GABRB1: variants seen among roughly 807,000 people sequenced by gnomAD.
GABRB1 encodes the protein gamma-aminobutyric acid receptor subunit beta-1.
Under a neutral mutation model 51.6 loss-of-function variants are expected in GABRB1, and 17 were observed. That is an observed-to-expected ratio of 0.33 (90% CI 0.23 to 0.49). The LOEUF (loss-of-function observed/expected upper bound fraction) is 0.49, where lower values mean the gene tolerates loss of function less well. GABRB1 is among the 20% of genes least tolerant of loss of function. GABRB1 has a pLI of 0.99. For synonymous variants in GABRB1, 247 were observed against 218.9 expected (o/e 1.13, Z -1.14); for missense variants, 410 against 600.6 (o/e 0.68, Z 3.32).
chr4:47,058,496 T>C (rs540886324), intron 3 of GABRB1, among the ~76,000 whole-genome samples: 9 of 152,294 alleles, frequency 5.9e-5, no homozygotes, highest in Admixed American at 1.3e-4. Flanking sequence ...GGTATGTCAC[T>C]AGAGGGACTC....
Position 47,189,396 on chromosome 4 carries a change from G to C in GABRB1, c.461+27927G>C, listed in dbSNP as rs936005957. On this transcript the variant is annotated intron_variant, in intron 4 of 8. Coordinates refer to ENST00000295454, the MANE Select transcript of GABRB1 (RefSeq NM_000812.4). Reference sequence around the variant, plus strand: ...CAAACCTCTTTCTGGGATTGATATGGAGGATAGAATATAAGAATGTAAGAA... The same window carrying C: ...CAAACCTCTTTCTGGGATTGATATGCAGGATAGAATATAAGAATGTAAGAA... Among the ~76,000 whole-genome samples the C allele has an allele frequency of 7.2e-5, 11 of 151,850 alleles. No individual in the cohort carries two copies. In the East Asian group the frequency reaches 2.1e-3, roughly 29 times the overall value.
chr4:47,367,686 A>G (rs1727028056), intron 5 of GABRB1, among the ~76,000 whole-genome samples: 1 of 152,310 alleles, frequency 6.6e-6, no homozygotes, highest in Non-Finnish European at 1.5e-5. Context: ...CTCAATGTTC[A>G]TCTTATCACA....
At chr4:47,208,772 C>A (rs1277840110) in intron 4 of GABRB1, among the ~76,000 whole-genome samples, 2 of 152,030 alleles carry the variant, frequency 1.3e-5, no homozygotes, top group Admixed American at 6.6e-5. Flanking sequence ...TCTTTTCCTG[C>A]TGGGCATGAT....
intron 4 of GABRB1, among the ~76,000 whole-genome samples, chr4:47,280,637 T>C (rs769992139): frequency 2.6e-5 from 4 of 151,574 alleles, no homozygotes; most frequent in Non-Finnish European, 5.9e-5. Context: ...CCCCCAACAC[T>C]ATTTTATTTT....
At chr4:47,363,398 T>C (rs974609205) in intron 5 of GABRB1, among the ~76,000 whole-genome samples, 4 of 152,050 alleles carry the variant, frequency 2.6e-5, no homozygotes, top group African/African-American at 4.8e-5. Flanking sequence ...GTGTCGGTTA[T>C]GGGGGAGGAA....
chr4:47,007,203 T>G (rs1214749353), intron 1 of GABRB1, among the ~76,000 whole-genome samples: 1 of 152,098 alleles, frequency 6.6e-6, no homozygotes, highest in East Asian at 1.9e-4. Context: ...CAGAAAATTT[T>G]AAGGTGAAGT....
At chr4:47,182,666 A>G (rs140879328) in intron 4 of GABRB1, among the ~76,000 whole-genome samples, 2 of 152,100 alleles carry the variant, frequency 1.3e-5, no homozygotes, top group African/African-American at 2.4e-5. Flanking sequence ...TTCTCATCCA[A>G]AATCTCTCTG....
chr4:47,088,123 C>T (rs1728152921), intron 3 of GABRB1, among the ~76,000 whole-genome samples: 1 of 152,190 alleles, frequency 6.6e-6, no homozygotes, highest in Non-Finnish European at 1.5e-5. Context: ...CATGGAAACA[C>T]TTCAAAAGTA....
intron 3 of GABRB1, among the ~76,000 whole-genome samples, chr4:47,122,586 T>C (rs1217486322): frequency 6.6e-6 from 1 of 151,062 alleles, no homozygotes; most frequent in East Asian, 2.0e-4. Context: ...CTTAAGACAC[T>C]GAGAGGAAGA....
At chr4:47,304,374 A>G (rs1221000552) in intron 4 of GABRB1, among the ~76,000 whole-genome samples, 1 of 151,996 alleles carries the variant, frequency 6.6e-6, no homozygotes, top group Non-Finnish European at 1.5e-5. Context: ...TTGCACCTCT[A>G]ATGATTAGTG....
intron 5 of GABRB1, among the ~76,000 whole-genome samples, chr4:47,377,576 G>C (rs1441558290): frequency 6.6e-6 from 1 of 151,954 alleles, no homozygotes. Context: ...AGTCTGGAAG[G>C]GGACCCAAGC....
chr4:47,112,513 T>C (rs1715268514), intron 3 of GABRB1, among the ~76,000 whole-genome samples: 1 of 152,260 alleles, frequency 6.6e-6, no homozygotes, highest in Non-Finnish European at 1.5e-5. Context: ...GAATACTTTA[T>C]GTAATCTTGA....
Position 47,161,171 on chromosome 4 carries a change from A to G in GABRB1, c.241-78A>G, listed in dbSNP as rs1717939901. 4.2e-6 allele frequency: 4 copies of G among 950,518 alleles called. No individual in the cohort carries two copies. In the Admixed American group the frequency reaches 9.1e-5, roughly 22 times the overall value. 58.9% of individuals were successfully genotyped at this position (950,518 alleles called of 1,614,324 possible). On this transcript the variant is annotated intron_variant, in intron 3 of 8. Transcript: ENST00000295454. ...ATATTCAAATGTAATCTCTTACAGG[A>G]CATCCTACATGTTATTAAACCTTAG... is the stretch of plus-strand genomic sequence containing the variant.
chr4:47,301,318 A>G (rs984953708), intron 4 of GABRB1, among the ~76,000 whole-genome samples: 3 of 152,192 alleles, frequency 2.0e-5, no homozygotes, highest in Admixed American at 6.5e-5. Context: ...AAATTCATGT[A>G]AAAGTATAAA....
At chr4:47,391,130 C>T (rs565490786) in intron 5 of GABRB1, among the ~76,000 whole-genome samples, 2 of 152,066 alleles carry the variant, frequency 1.3e-5, no homozygotes, top group South Asian at 2.1e-4. Flanking sequence ...GAGCCAGGAT[C>T]ACCCCACTGC....
At position 47,113,640 on chromosome 4, in the gene GABRB1, T is replaced by C. The variant is rs568274952; in HGVS notation, c.241-47609T>C. On this transcript the variant is annotated intron_variant, in intron 3 of 8. Transcript: ENST00000295454. ...GAAGAGAAGAACAATCATGAGAGGG[T>C]AACATTTTTTTTCTCCCAGCTCCTA... 2.7e-3 allele frequency among the ~76,000 whole-genome samples: 418 copies of C among 152,140 alleles called. 1 individual carries two copies. The highest frequency in any genetic ancestry group is 9.8e-3 in the African/African-American group (406 of 41,498).
intron 4 of GABRB1, among the ~76,000 whole-genome samples, chr4:47,218,040 A>C (rs1684554096): frequency 6.6e-6 from 1 of 151,686 alleles, no homozygotes; most frequent in Non-Finnish European, 1.5e-5. Context: ...CTCTACTTCC[A>C]TGACAGCAAC....
At chr4:47,193,716 CAATAT>C (rs983643129) in intron 4 of GABRB1, among the ~76,000 whole-genome samples, 4 of 152,048 alleles carry the variant, frequency 2.6e-5, no homozygotes, top group Non-Finnish European at 5.9e-5. Context: ...CCTACTTTAT[CAATAT>C]AATAACTTTG....
intron 5 of GABRB1, among the ~76,000 whole-genome samples, chr4:47,329,738 A>T (rs1415896997): frequency 6.7e-6 from 1 of 149,510 alleles, no homozygotes; most frequent in East Asian, 1.9e-4. Context: ...CAATACCACT[A>T]CATATATAAT....
Sources: gnomAD v4.1 joint callset for allele counts (sites outside exome capture counted in the v4.1 genomes callset) on GRCh38, gnomAD v4.1.1 for gene constraint, MANE v1.5 for transcripts, NCBI Gene and HGNC (gene_info 2026-07-23, HGNC 2026-07-21) for gene names.